The following GALM variants were observed in gnomAD, a reference collection of about 807,000 sequenced individuals.
GALM encodes the protein aldose 1-epimerase.
GALM carries 43 observed loss-of-function variants against 37.4 expected under a neutral mutation model. The ratio of observed to expected loss-of-function variants is 1.15; its 90% confidence interval spans 0.90 to 1.48. GALM has a LOEUF of 1.48. Among genes scored for constraint, GALM ranks in the 40% most tolerant of loss-of-function variants. GALM has a pLI of 0.00. For synonymous variants in GALM, 199 were observed against 170.6 expected (o/e 1.17, Z -1.30); for missense variants, 456 against 419.1 (o/e 1.09, Z -0.77).
intron 4 of GALM, among the ~76,000 whole-genome samples, chr2:38,718,196 C>CTTTTTTTTTTTTTTTTTTT (rs3059479): frequency 1.5e-5 from 2 of 131,284 alleles, no homozygotes; most frequent in Non-Finnish European, 3.1e-5. Flanking sequence ...TTTTTCTTTT[C>CTTTTTTTTTTTTTTTTTTT]TTTTTTTTTT....
chr2:38,702,899 T>C (rs1665946350), intron 4 of GALM, among the ~76,000 whole-genome samples: 1 of 143,636 alleles, frequency 7.0e-6, no homozygotes, highest in Non-Finnish European at 1.5e-5. Context: ...ACACTATATA[T>C]ATATATACAC....
At chr2:38,719,291 G>A (rs1002628655) in intron 4 of GALM, among the ~76,000 whole-genome samples, 13 of 151,740 alleles carry the variant, frequency 8.6e-5, no homozygotes, top group African/African-American at 3.1e-4. Context: ...CCAAGATGGT[G>A]AAACCCTGTC....
intron 4 of GALM, among the ~76,000 whole-genome samples, chr2:38,724,969 G>A (rs1023388693): frequency 5.3e-5 from 8 of 152,104 alleles, no homozygotes; most frequent in Non-Finnish European, 1.0e-4. Context: ...CAAAAATTTT[G>A]TAGCTTTCTT....
chr2:38,695,400 C>T lies in GALM; in HGVS notation c.634+5506C>T, dbSNP rs549449504. Among the ~76,000 whole-genome samples the T allele has an allele frequency of 8.8e-4, 134 of 152,342 alleles. 1 individual carries two copies. Among genetic ancestry groups the T allele is most frequent in the Admixed American group, 1.8e-3 (27 of 15,300 alleles). On this transcript the variant is annotated intron_variant, in intron 4 of 6. Transcript: ENST00000272252. The stretch of plus-strand genomic sequence containing the variant: ...GCTGTACCATTTACAGGGTGGCGTT[C>T]AGCTATCTGGAGCAGTCCCTTATGG...
At chr2:38,717,532 T>A (rs1397927419) in intron 4 of GALM, among the ~76,000 whole-genome samples, 2 of 151,900 alleles carry the variant, frequency 1.3e-5, no homozygotes, top group African/African-American at 4.8e-5. Flanking sequence ...CCCAAGTAGC[T>A]GGGTTACAGG....
At chr2:38,723,449 T>G (rs1378158356) in intron 4 of GALM, among the ~76,000 whole-genome samples, 1 of 152,216 alleles carries the variant, frequency 6.6e-6, no homozygotes, top group Non-Finnish European at 1.5e-5. Context: ...GTTTCTTTAG[T>G]GCCAATGAGC....
intron 3 of GALM, among the ~76,000 whole-genome samples, chr2:38,684,278 A>G (rs1421334657): frequency 1.3e-5 from 2 of 152,202 alleles, no homozygotes; most frequent in African/African-American, 2.4e-5. Flanking sequence ...GTCAAAGAAT[A>G]TAAAAGGTAT....
rs938752049 is a variant in GALM, at chr2:38,675,468, G to A, written c.191-444G>A. The stretch of plus-strand genomic sequence containing the variant: ...CAAGATGTTACCATGTGCAGCATTC[G>A]TCTGAAGAAGGTGAGGGACAGTGGC... On this transcript the variant is annotated intron_variant, in intron 1 of 6. Coordinates refer to ENST00000272252, the MANE Select transcript of GALM (RefSeq NM_138801.3). Among the ~76,000 whole-genome samples, 21 of 150,344 alleles carry A rather than the reference G, an allele frequency of 1.4e-4. No homozygotes were observed. In the South Asian group the frequency reaches 1.9e-3, roughly 14 times the overall value.
intron 4 of GALM, among the ~76,000 whole-genome samples, chr2:38,723,630 A>G (rs1666426450): frequency 6.6e-6 from 1 of 151,954 alleles, no homozygotes. Context: ...CTCTACAAAA[A>G]AATTTAAAAA....
chr2:38,685,858 C>T (rs1039710711), intron 3 of GALM, among the ~76,000 whole-genome samples: 4 of 152,142 alleles, frequency 2.6e-5, no homozygotes, highest in Non-Finnish European at 5.9e-5. Context: ...GCTGGGATTA[C>T]AGGCACGTGC....
intron 2 of GALM, chr2:38,680,131 T>G (rs1305058532): frequency 2.3e-6 from 1 of 443,524 alleles, no homozygotes; most frequent in Non-Finnish European, 4.5e-6. Context: ...CGATCCTCCC[T>G]TCTCAGCCTC....
At chr2:38,692,910 A>C (rs951720665) in intron 4 of GALM, among the ~76,000 whole-genome samples, 6 of 152,312 alleles carry the variant, frequency 3.9e-5, no homozygotes, top group African/African-American at 1.4e-4. Flanking sequence ...TAGCCCAGGG[A>C]AGTGCTGTGC....
chr2:38,676,656 T>G (rs952393468), intron 2 of GALM, among the ~76,000 whole-genome samples: 7 of 152,100 alleles, frequency 4.6e-5, no homozygotes, highest in African/African-American at 1.7e-4. Context: ...CCAGCTACTC[T>G]GGAGGCTGAG....
chr2:38,709,922 T>C (rs1423923030), intron 4 of GALM, among the ~76,000 whole-genome samples: 3 of 152,130 alleles, frequency 2.0e-5, no homozygotes, highest in Admixed American at 6.5e-5. Context: ...TTTGACTGAC[T>C]CTTCTGAGCC....
chr2:38,669,632 C>T (rs1401999023), intron 1 of GALM: 1 of 152,126 alleles, frequency 6.6e-6, no homozygotes, highest in East Asian at 1.9e-4. Context: ...CGCCTGTAAT[C>T]CCAGCACTCT....
intron 3 of GALM, among the ~76,000 whole-genome samples, chr2:38,685,254 G>A (rs1665492583): frequency 6.6e-6 from 1 of 152,180 alleles, no homozygotes; most frequent in African/African-American, 2.4e-5. Flanking sequence ...TTGCCCTCTG[G>A]AAATGGAGCG....
rs138478556 is a variant in GALM, at chr2:38,680,853, G to A, written c.346-427G>A. ...AACATTTGTAATAATTAAAATCCAG[G>A]GACCAGGTGCGGTGGCTCATGCCTG... On this transcript the variant is annotated intron_variant, in intron 2 of 6. Transcript: ENST00000272252. Among the ~76,000 whole-genome samples the A allele has an allele frequency of 2.6e-5, 4 of 152,132 alleles. No individual in the cohort carries two copies. In the East Asian group the frequency reaches 7.7e-4, roughly 29 times the overall value.
rs777566964 is a variant in GALM at position 38,666,323 on chromosome 2, C to T, written c.162C>T (p.Asp54=). The T allele has an allele frequency of 1.6e-5, 26 of 1,612,984 alleles. No homozygotes were observed. The highest frequency in any genetic ancestry group is 2.2e-5 in the East Asian group (1 of 44,826). Residue 54 remains aspartate, a synonymous_variant, in exon 1 of 7, where the codon GAC becomes GAT. Coordinates refer to ENST00000272252, the MANE Select transcript of GALM (RefSeq NM_138801.3). ...AAGACAGGCAGGGGAGAGCCTCGGA[C>T]GTGGTGCTTGGCTTCGCCGAGTTGG... ...EVKDRQGRAS[D]VVLGFAELEG...
chr2:38,732,172 C>T (rs377362119), intron 6 of GALM, among the ~76,000 whole-genome samples: 2 of 152,054 alleles, frequency 1.3e-5, no homozygotes, highest in African/African-American at 4.8e-5. Context: ...TTCTCCTGCC[C>T]CAGCCTTCCA....
Sources: allele counts gnomAD v4.1 joint callset (sites outside exome capture counted in the v4.1 genomes callset), GRCh38; gene constraint gnomAD v4.1.1; transcripts MANE v1.5; gene names NCBI Gene and HGNC (gene_info 2026-07-23, HGNC 2026-07-21).